The following HSPA4 variants were observed in gnomAD, a reference collection of about 807,000 sequenced individuals.
The protein encoded by HSPA4 is heat shock 70 kDa protein 4.
In HSPA4, 25 loss-of-function variants were observed where a neutral mutation model predicts 106.2. The ratio of observed to expected loss-of-function variants is 0.24; its 90% CI spans 0.17 to 0.33. The LOEUF is 0.33. HSPA4 is among the 10% of genes least tolerant of loss of function. The probability of loss-of-function intolerance (pLI) is 1.00; values close to 1 mark genes in which losing one functional copy is unlikely to be tolerated. For synonymous variants in HSPA4, 332 were observed against 333.6 expected, an observed-to-expected ratio of 1.00 and a Z score of 0.05; for missense variants, 841 against 996.0, an observed-to-expected ratio of 0.84 and a Z score of 2.10.
intron 15 of HSPA4, among the ~76,000 whole-genome samples, chr5:133,097,885 C>G (rs1765734316): frequency 6.6e-6 from 1 of 151,078 alleles, no homozygotes; most frequent in African/African-American, 2.4e-5. Flanking sequence ...TCACTTTTTC[C>G]TGTTTATTGT....
intron 7 of HSPA4, 35 bp from the exon 8 acceptor site, chr5:133,086,747 G>A (rs766639861): frequency 2.1e-6 from 3 of 1,443,786 alleles, no homozygotes; most frequent in Non-Finnish European, 2.9e-6. Context: ...GTGATTTAAT[G>A]TACTGTGTTT....
intron 17 of HSPA4, 31 bp from the exon 18 acceptor site, chr5:133,103,834 T>A: frequency 1.3e-6 from 2 of 1,598,404 alleles, no homozygotes; most frequent in Non-Finnish European, 1.7e-6. Context: ...ATCACACTTT[T>A]AGCACTTGTT....
intron 3 of HSPA4, among the ~76,000 whole-genome samples, 199 bp from the exon 4 acceptor site, chr5:133,070,175 A>G (rs1376991354): frequency 2.6e-5 from 4 of 151,892 alleles, no homozygotes; most frequent in African/African-American, 4.8e-5. Context: ...CCTGCCTCCA[A>G]AATAATAATA....
At chr5:133,063,508 G>A (rs888335070) in intron 1 of HSPA4, among the ~76,000 whole-genome samples, 4 of 151,988 alleles carry the variant, frequency 2.6e-5, no homozygotes, top group South Asian at 2.1e-4. Context: ...TTGGCTCACT[G>A]CAACCTCCGT....
intron 7 of HSPA4, among the ~76,000 whole-genome samples, chr5:133,078,179 G>T (rs1023398570): frequency 1.3e-5 from 2 of 151,596 alleles, no homozygotes; most frequent in African/African-American, 4.8e-5. Context: ...AAAAATACAA[G>T]AAATTAGCCG....
Position 133,052,499 on chromosome 5 carries a change from A to T in HSPA4, c.107+142A>T, listed in dbSNP as rs1426708857. 6 of 601,348 alleles carry T rather than the reference A, an allele frequency of 1.0e-5. No individual in the cohort carries two copies. The Middle Eastern group carries it at 1.3e-3, about 126-fold the overall frequency. 37.3% of individuals were successfully genotyped at this position (601,348 alleles called of 1,614,324 possible). A position where few individuals can be genotyped will look rare whatever the true frequency, so the allele number is the denominator to read the frequency against. ...AGGTCCCGGTAGGTCAGGGACCCCC[A>T]GTAGGTATTAGGACACTAGGGGCCG... is the stretch of plus-strand genomic sequence containing the variant. On this transcript the variant is annotated intron_variant, in intron 1 of 18. Transcript: ENST00000304858.
Position 133,092,806 on chromosome 5 carries a change from G to GTTTTTTTTGTTTTT in HSPA4, c.1650+25_1650+26insGTTTTTTTTTTTTT, listed in dbSNP as rs1765662599. ...GAAATGGAGGTATGCATTGGGTGGT[G>GTTTTTTTTGTTTTT]TTTTTTTTTTTTTTTTTTTTTTTTT... On this transcript the variant is annotated intron_variant, in intron 13 of 18. Coordinates refer to ENST00000304858, the MANE Select transcript of HSPA4 (RefSeq NM_002154.4). 46 of 474,032 alleles carry GTTTTTTTTGTTTTT rather than the reference G, an allele frequency of 9.7e-5. No homozygotes were observed. The African/African-American group carries it at 1.4e-3, about 15-fold the overall frequency. 29.4% of individuals were successfully genotyped at this position (474,032 alleles called of 1,614,324 possible).
At chr5:133,104,085 C>T in intron 18 of HSPA4, 59 bp downstream of exon 18, 2 of 1,457,850 alleles carry the variant, frequency 1.4e-6, no homozygotes, top group Non-Finnish European at 1.9e-6. Flanking sequence ...TAATAGTCCT[C>T]AAGTGACACT....
At chr5:133,066,209 G>C (rs935273816) in intron 2 of HSPA4, among the ~76,000 whole-genome samples, 1 of 152,188 alleles carries the variant, frequency 6.6e-6, no homozygotes, top group Admixed American at 6.5e-5. Flanking sequence ...TTGTGTTACA[G>C]AGTTTCTGTT....
chr5:133,102,757 G>A (rs925493405), intron 17 of HSPA4, among the ~76,000 whole-genome samples: 1 of 151,888 alleles, frequency 6.6e-6, no homozygotes, highest in Admixed American at 6.6e-5. Context: ...TTTGTGTTTT[G>A]ACAAGTTCTC....
rs775782701 is a variant in HSPA4, at chr5:133,088,498, A to G, written c.1080A>G (p.Lys360=). 1.9e-6 allele frequency: 3 copies of G among 1,613,884 alleles called. No individual in the cohort carries two copies. The highest frequency in any genetic ancestry group is 2.7e-5 in the African/African-American group (2 of 74,948). Residue 360 remains lysine (K), a synonymous_variant, in exon 9 of 19, where the codon AAA becomes AAG. Coordinates refer to ENST00000304858, the MANE Select transcript of HSPA4 (RefSeq NM_002154.4). The part of the protein sequence containing the change: ...VKEKISKFFG[K]ELSTTLNADE... The stretch of plus-strand genomic sequence containing the variant: ...AGAAGATCAGCAAATTTTTCGGTAA[A>G]GAACTTAGTACAACATTAAATGCTG...
At chr5:133,090,234 G>C (rs1222456531) in intron 11 of HSPA4, among the ~76,000 whole-genome samples, 1 of 151,838 alleles carries the variant, frequency 6.6e-6, no homozygotes, top group African/African-American at 2.4e-5. Flanking sequence ...AGACCATCCT[G>C]GCTAACATGG....
intron 13 of HSPA4, 109 bp from the exon 14 acceptor site, chr5:133,095,989 C>A: frequency 1.2e-6 from 1 of 838,950 alleles, no homozygotes; most frequent in Non-Finnish European, 1.8e-6. Context: ...AGATCATCAT[C>A]AAAAGAGAAC....
At chr5:133,057,737 C>T (rs1036868636) in intron 1 of HSPA4, among the ~76,000 whole-genome samples, 1 of 152,058 alleles carries the variant, frequency 6.6e-6, no homozygotes, top group Non-Finnish European at 1.5e-5. Flanking sequence ...GAATTAACTC[C>T]GTGCAATTTG....
intron 16 of HSPA4, among the ~76,000 whole-genome samples, chr5:133,100,885 A>G (rs1447924867): frequency 6.6e-6 from 1 of 152,190 alleles, no homozygotes; most frequent in East Asian, 1.9e-4. Flanking sequence ...GGCTTACTGC[A>G]GCCTCGACCT....
intron 7 of HSPA4, among the ~76,000 whole-genome samples, chr5:133,080,500 A>G (rs74492166): frequency 0.068 from 10,191 of 149,878 alleles, 441 homozygotes; most frequent in South Asian, 0.1. Context: ...GTTTTTTTCC[A>G]GGTACGCAGT....
chr5:133,090,234 G>A (rs1222456531), intron 11 of HSPA4, among the ~76,000 whole-genome samples: 5 of 151,838 alleles, frequency 3.3e-5, no homozygotes, highest in African/African-American at 1.2e-4. Flanking sequence ...AGACCATCCT[G>A]GCTAACATGG....
At chr5:133,099,968 G>A (rs1303165755) in intron 16 of HSPA4, among the ~76,000 whole-genome samples, 1 of 152,150 alleles carries the variant, frequency 6.6e-6, no homozygotes, top group African/African-American at 2.4e-5. Context: ...TGCAGCTGGA[G>A]CAGGGCTGTT....
At chr5:133,076,457 C>G (rs924341278) in intron 6 of HSPA4, among the ~76,000 whole-genome samples, 197 bp from the exon 7 acceptor site, 4 of 152,174 alleles carry the variant, frequency 2.6e-5, no homozygotes, top group Non-Finnish European at 5.9e-5. Flanking sequence ...GTAGCATTAT[C>G]TGTAAATTGG....
Sources: gnomAD v4.1 joint callset for allele counts (sites outside exome capture counted in the v4.1 genomes callset) on GRCh38, gnomAD v4.1.1 for gene constraint, MANE v1.5 for transcripts, NCBI Gene and HGNC (gene_info 2026-07-23, HGNC 2026-07-21) for gene names.